SAXO2: variants seen among roughly 807,000 people sequenced by gnomAD.
SAXO2 encodes the protein stabilizer of axonemal microtubules 2, also known as family with sequence similarity 154, member B.
In SAXO2, 17 loss-of-function variants were observed where a neutral mutation model predicts 18.7. That is an observed-to-expected ratio of 0.91 (90% CI 0.62 to 1.36). The LOEUF is 1.36. Among genes scored for constraint, SAXO2 ranks in the 40% most tolerant of loss-of-function variants. The probability of loss-of-function intolerance (pLI) is 0.00; values close to 1 mark genes in which losing one functional copy is unlikely to be tolerated. For synonymous variants in SAXO2, 163 were observed against 181.2 expected (o/e 0.90, Z 0.81); for missense variants, 486 against 562.6 (o/e 0.86, Z 1.38).
intron 3 of SAXO2, among the ~76,000 whole-genome samples, chr15:82,275,404 A>C (rs61554133): frequency 0.23 from 34,645 of 150,224 alleles, 4,428 homozygotes; most frequent in South Asian, 0.4. Context: ...TTGAGGAAGA[A>C]GGACTCCTCC....
chr15:82,263,417 G>A (rs917908787), intron 1 of SAXO2: 2 of 710,428 alleles, frequency 2.8e-6, no homozygotes, highest in African/African-American at 1.7e-5. Context: ...AGTTCTTTGG[G>A]ATCCGCCTGA....
chr15:82,264,058 A>G (rs2075176622), intron 1 of SAXO2, among the ~76,000 whole-genome samples: 1 of 149,106 alleles, frequency 6.7e-6, no homozygotes, highest in African/African-American at 2.5e-5. Context: ...CTTGTTTTAC[A>G]TATGCATTGA....
At chr15:82,276,433 A>G (rs1223066764) in intron 3 of SAXO2, among the ~76,000 whole-genome samples, 2 of 152,188 alleles carry the variant, frequency 1.3e-5, no homozygotes, top group Non-Finnish European at 1.5e-5. Context: ...AACCAGAGGC[A>G]TTACATCTCC....
chr15:82,263,016 C>G, intron 1 of SAXO2, 84 bp downstream of exon 1: 1 of 1,547,032 alleles, frequency 6.5e-7, no homozygotes, highest in African/African-American at 1.4e-5. Flanking sequence ...CCTCGGGAAC[C>G]CTGAGAGTGG....
In SAXO2 at chr15:82,282,549, A is replaced by G. The variant is rs138516072; in HGVS notation, c.864A>G (p.Pro288=). 2.9e-4 allele frequency: 463 copies of G among 1,614,180 alleles called. No homozygotes were observed. In the Middle Eastern group the frequency reaches 4.3e-3, roughly 15 times the overall value. ...FRESFQPWEI[P]PPEVKKVPEY... ...AAAGTTTTCAACCATGGGAAATCCCACCACCTGAGGTCAAGAAAGTACCAG... is the reference window on the plus strand; with the variant it reads ...AAAGTTTTCAACCATGGGAAATCCCGCCACCTGAGGTCAAGAAAGTACCAG... The change falls in exon 4 of 4, where the codon CCA becomes CCG. Residue 288 remains proline (P), a synonymous_variant. Transcript: ENST00000682753.
At chr15:82,273,894 C>T (rs933561867) in intron 3 of SAXO2, among the ~76,000 whole-genome samples, 6 of 151,870 alleles carry the variant, frequency 4.0e-5, no homozygotes, top group Non-Finnish European at 7.4e-5. Flanking sequence ...TGCGCCACCA[C>T]GCCTGGCTAA....
intron 3 of SAXO2, among the ~76,000 whole-genome samples, chr15:82,278,569 T>C (rs1302595020): frequency 6.6e-6 from 1 of 152,212 alleles, no homozygotes; most frequent in Non-Finnish European, 1.5e-5. Context: ...AAATTGACAT[T>C]TGTAAAGCAC....
At chr15:82,269,857 A>G (rs184837921) in intron 2 of SAXO2, among the ~76,000 whole-genome samples, 1 of 152,276 alleles carries the variant, frequency 6.6e-6, no homozygotes, top group Non-Finnish European at 1.5e-5. Flanking sequence ...ATGAGGCAAA[A>G]TTGACAGTAG....
At chr15:82,282,082 C>T (rs1401322876) in intron 3 of SAXO2, 37 bp from the exon 4 acceptor site, 2 of 1,499,878 alleles carry the variant, frequency 1.3e-6, no homozygotes, top group African/African-American at 2.8e-5. Flanking sequence ...TTTTCTTCAG[C>T]ATTTAAAAAT....
At chr15:82,264,090 G>A (rs1228568328) in intron 1 of SAXO2, among the ~76,000 whole-genome samples, 1 of 55,192 alleles carries the variant, frequency 1.8e-5, no homozygotes, top group Non-Finnish European at 3.8e-5. Context: ...TTTTTTTTTT[G>A]AGACAGAGTC....
rs934230061 is a variant in SAXO2, at chr15:82,283,150, T to A, written c.*88T>A. 9 of 846,116 alleles carry A rather than the reference T, an allele frequency of 1.1e-5. No individual in the cohort carries two copies. In the African/African-American group the frequency reaches 1.6e-4, roughly 15 times the overall value. 52.4% of individuals were successfully genotyped at this position (846,116 alleles called of 1,614,324 possible). On this transcript the variant is annotated 3_prime_UTR_variant, in exon 4 of 4. Coordinates refer to ENST00000682753, the MANE Select transcript of SAXO2 (RefSeq NM_001348699.2). ...ATTTTTATAGTTAAAAAATTTATGA[T>A]ATAATAAATCATTTTTTATATTTTT... is the stretch of plus-strand genomic sequence containing the variant.
chr15:82,265,484 T>G, intron 1 of SAXO2, 85 bp from the exon 2 acceptor site: 1 of 1,035,682 alleles, frequency 9.7e-7, no homozygotes, highest in Non-Finnish European at 1.3e-6. Context: ...TTAGAAATTG[T>G]GAGTTTATTA....
chr15:82,265,080 A>G (rs1347013981), intron 1 of SAXO2, among the ~76,000 whole-genome samples: 1 of 152,210 alleles, frequency 6.6e-6, no homozygotes, highest in Non-Finnish European at 1.5e-5. Flanking sequence ...ATAGGGATAG[A>G]CCATTATTTA....
intron 2 of SAXO2, among the ~76,000 whole-genome samples, chr15:82,268,036 A>G (rs2075236117): frequency 6.6e-6 from 1 of 152,246 alleles, no homozygotes; most frequent in South Asian, 2.1e-4. Flanking sequence ...GTCTGTGGGA[A>G]AGTCCAGAAA....
At chr15:82,274,229 G>A (rs1441434305) in intron 3 of SAXO2, among the ~76,000 whole-genome samples, 1 of 151,858 alleles carries the variant, frequency 6.6e-6, no homozygotes, top group African/African-American at 2.4e-5. Flanking sequence ...GTAGTTCAAG[G>A]ATAAAGAATT....
intron 1 of SAXO2, among the ~76,000 whole-genome samples, chr15:82,265,132 T>C (rs184874445): frequency 6.6e-6 from 1 of 152,118 alleles, no homozygotes; most frequent in Non-Finnish European, 1.5e-5. Flanking sequence ...AAACAGTTTT[T>C]GGGGGTTTTT....
chr15:82,279,106 A>G (rs2075340147), intron 3 of SAXO2, among the ~76,000 whole-genome samples: 1 of 152,154 alleles, frequency 6.6e-6, no homozygotes, highest in Non-Finnish European at 1.5e-5. Context: ...AAACAATGAA[A>G]CCAAAAATTG....
chr15:82,271,757 A>G lies in SAXO2; in HGVS notation c.388A>G (p.Arg130Gly). Reference protein sequence around the residue: ...QPVAIVRPLERQVKKGKLDTV... With the variant: ...QPVAIVRPLEGQVKKGKLDTV... ...TGTGGCAATAGTCCGGCCTTTGGAG[A>G]GACAAGTTAAAAAAGGAAAATTGGA... Residue 130 changes from arginine to glycine, a missense_variant, in exon 3 of 4, where the codon AGA (arginine) becomes GGA (glycine). Arg to Gly is a moderately radical substitution (Grantham distance 125). Coordinates refer to ENST00000682753, the MANE Select transcript of SAXO2 (RefSeq NM_001348699.2). 1 of 1,614,146 alleles carries G rather than the reference A, an allele frequency of 6.2e-7. No individual in the cohort carries two copies. Among genetic ancestry groups the G allele is most frequent in the Non-Finnish European group, 8.5e-7 (1 of 1,179,992 alleles).
chr15:82,283,134 G>A lies in SAXO2; in HGVS notation c.*72G>A. 9.6e-7 allele frequency: 1 copy of A among 1,041,636 alleles called. No individual in the cohort carries two copies. The highest frequency in any genetic ancestry group is 1.3e-6 in the Non-Finnish European group (1 of 784,956). 64.5% of individuals were successfully genotyped at this position (1,041,636 alleles called of 1,614,324 possible). ...TCCAAGAGAAAACTCAATTTTTATA[G>A]TTAAAAAATTTATGATATAATAAAT... On this transcript the variant is annotated 3_prime_UTR_variant, in exon 4 of 4. Coordinates refer to ENST00000682753, the MANE Select transcript of SAXO2 (RefSeq NM_001348699.2).
Sources: allele counts gnomAD v4.1 joint callset (sites outside exome capture counted in the v4.1 genomes callset), GRCh38; gene constraint gnomAD v4.1.1; transcripts MANE v1.5; gene names NCBI Gene and HGNC (gene_info 2026-07-23, HGNC 2026-07-21).